The following SDC4 variants were observed in gnomAD, a reference collection of about 807,000 sequenced individuals.
SDC4 encodes syndecan 4, also known as syndecan-4.
SDC4 carries 17 observed loss-of-function variants against 20.5 expected under a neutral mutation model. The ratio of observed to expected loss-of-function variants is 0.83; its 90% CI spans 0.57 to 1.25. SDC4 has a LOEUF of 1.25. SDC4 is among the 50% of genes most tolerant of loss of function. The probability of loss-of-function intolerance (pLI) is 0.00; values close to 1 mark genes in which losing one functional copy is unlikely to be tolerated. For synonymous variants in SDC4, 107 were observed against 105.3 expected (o/e 1.02, Z -0.10); for missense variants, 241 against 252.3 (o/e 0.96, Z 0.30).
chr20:45,325,445 G>GC lies in SDC4; in HGVS notation c.*1818dup, dbSNP rs1987667540. 1 of 152,800 alleles carries GC rather than the reference G, an allele frequency of 6.5e-6. No homozygotes were observed. The highest frequency in any genetic ancestry group is 2.1e-4 in the South Asian group (1 of 4,832). 9.5% of individuals were successfully genotyped at this position (152,800 alleles called of 1,614,324 possible). ...ACCCAGCCAGCTGGGACCCTGGGTT[G>GC]CAGTGGTGACGGGAGCTAATGGCCA... On this transcript the variant is annotated 3_prime_UTR_variant, in exon 5 of 5. Transcript: ENST00000372733.
chr20:45,339,143 T>C (rs1422763037), intron 1 of SDC4, among the ~76,000 whole-genome samples: 1 of 152,216 alleles, frequency 6.6e-6, no homozygotes, highest in Non-Finnish European at 1.5e-5. Flanking sequence ...CGTGGGATTG[T>C]GGGCAATCAC....
chr20:45,340,432 C>T (rs936545613), intron 1 of SDC4, among the ~76,000 whole-genome samples: 3 of 152,218 alleles, frequency 2.0e-5, no homozygotes, highest in Non-Finnish European at 2.9e-5. Flanking sequence ...CTCAAGAACA[C>T]GTCCCAACCA....
Position 45,332,808 on chromosome 20 carries a change from G to A in SDC4, c.246+215C>T, listed in dbSNP as rs148822503. 6.1e-3 allele frequency among the ~76,000 whole-genome samples: 924 copies of A among 152,098 alleles called. 4 individuals are homozygous for A. Among genetic ancestry groups the A allele is most frequent in the African/African-American group, 0.021 (888 of 41,482 alleles). On this transcript the variant is annotated intron_variant, in intron 3 of 4. Coordinates refer to ENST00000372733, the MANE Select transcript of SDC4 (RefSeq NM_002999.4). ...CAGGTTTCATCGTGTTGCCCAGGCT[G>A]GTCTTGAACTCCTGACCTCAAGCCT...
At chr20:45,327,463 G>T in intron 4 of SDC4, 48 bp from the exon 5 acceptor site, 1 of 1,580,672 alleles carries the variant, frequency 6.3e-7, no homozygotes, top group Non-Finnish European at 8.6e-7. Flanking sequence ...TCCTCATCAG[G>T]ACCTAAGGAT....
intron 1 of SDC4, chr20:45,345,403 C>T (rs895510026): frequency 6.6e-6 from 1 of 152,188 alleles, no homozygotes; most frequent in South Asian, 2.1e-4. Flanking sequence ...TGGGGGATGT[C>T]AGCCCAGCGG....
Position 45,327,158 on chromosome 20 carries a change from T to A in SDC4, c.*106A>T. On this transcript the variant is annotated 3_prime_UTR_variant, in exon 5 of 5. Coordinates refer to ENST00000372733, the MANE Select transcript of SDC4 (RefSeq NM_002999.4). ...CAAAGGTAATCAGAGCTGGAGATAC[T>A]GACAAGTCAGTATTAGGTTGACCTC... 8.5e-7 allele frequency: 1 copy of A among 1,172,836 alleles called. No homozygotes were observed. The highest frequency in any genetic ancestry group is 1.2e-6 in the Non-Finnish European group (1 of 804,244). 72.7% of individuals were successfully genotyped at this position (1,172,836 alleles called of 1,614,324 possible). A position where few individuals can be genotyped will look rare whatever the true frequency, so the allele number is the denominator to read the frequency against.
At chr20:45,337,475 C>G (rs1055528358) in intron 1 of SDC4, among the ~76,000 whole-genome samples, 6 of 152,210 alleles carry the variant, frequency 3.9e-5, no homozygotes, top group African/African-American at 1.4e-4. Flanking sequence ...GAGCCCGGAA[C>G]AGGGCAGGGA....
intron 1 of SDC4, 109 bp from the exon 2 acceptor site, chr20:45,336,029 A>C: frequency 3.3e-6 from 4 of 1,215,744 alleles, no homozygotes; most frequent in Non-Finnish European, 4.6e-6. Flanking sequence ...AGACCAGGCC[A>C]GGGCCTGGAG....
chr20:45,330,313 C>G, intron 4 of SDC4, 53 bp downstream of exon 4: 2 of 1,536,852 alleles, frequency 1.3e-6, no homozygotes, highest in Admixed American at 1.7e-5. Context: ...TGCTCTCCCC[C>G]GCTGAGCCCC....
At chr20:45,331,031 C>A (rs1265912994) in intron 3 of SDC4, among the ~76,000 whole-genome samples, 1 of 152,186 alleles carries the variant, frequency 6.6e-6, no homozygotes, top group African/African-American at 2.4e-5. Flanking sequence ...AACTTGCTTT[C>A]ACTTTACTCT....
intron 4 of SDC4, among the ~76,000 whole-genome samples, chr20:45,327,925 G>A (rs1429846357): frequency 6.6e-6 from 1 of 152,188 alleles, no homozygotes; most frequent in Non-Finnish European, 1.5e-5. Context: ...GTGAGCCACC[G>A]CACTCGGCCA....
chr20:45,346,754 T>C (rs75843690), intron 1 of SDC4, among the ~76,000 whole-genome samples: 2,100 of 152,280 alleles, frequency 0.014, 61 homozygotes, highest in African/African-American at 0.048. Flanking sequence ...TTAGGTTAAG[T>C]CATCACCTCA....
intron 3 of SDC4, among the ~76,000 whole-genome samples, chr20:45,331,236 G>A (rs573064876): frequency 6.6e-6 from 1 of 152,242 alleles, no homozygotes; most frequent in African/African-American, 2.4e-5. Context: ...TCAGAACTAA[G>A]AGTTATGAAT....
intron 1 of SDC4, among the ~76,000 whole-genome samples, chr20:45,344,117 A>C (rs1199983742): frequency 6.6e-6 from 1 of 152,202 alleles, no homozygotes; most frequent in Non-Finnish European, 1.5e-5. Context: ...CTCTGAAAAA[A>C]TGCAGGCCAG....
At position 45,348,360 on chromosome 20, in the gene SDC4, G is replaced by T; in HGVS notation, c.25C>A (p.Leu9Met). ...ACTCCGCCTACGAAGAACAGCAGCA[G>T]CGCGAACAGACGGGCGGGGGCCATG... MAPARLFALLLFFVGGVAE... is the reference protein window; with the variant it reads MAPARLFAMLLFFVGGVAE... Residue 9 changes from leucine (L) to methionine (M), a missense_variant, in exon 1 of 5, where the codon CTG (leucine) becomes ATG (methionine). Physicochemically the swap from Leu to Met is conservative, Grantham distance 15. Coordinates refer to ENST00000372733, the MANE Select transcript of SDC4 (RefSeq NM_002999.4). 6.3e-7 allele frequency: 1 copy of T among 1,592,120 alleles called. No individual in the cohort carries two copies. The highest frequency in any genetic ancestry group is 8.5e-7 in the Non-Finnish European group (1 of 1,170,770).
intron 1 of SDC4, among the ~76,000 whole-genome samples, chr20:45,336,510 A>G (rs1394081685): frequency 6.6e-6 from 1 of 152,226 alleles, no homozygotes; most frequent in Non-Finnish European, 1.5e-5. Context: ...CCCTGTTTTA[A>G]TAACTCTGGA....
Position 45,330,376 on chromosome 20 carries a change from C to T in SDC4, c.435G>A (p.Glu145=). ...AGCATGGGGACTTACCTGCCAGGAC[C>T]TCCGTTCTCTCAAAGATGTTGCTGC... The part of the protein sequence containing the change: ...VQGSNIFERT[E]VLAALIVGGI... Residue 145 remains glutamate (E), a synonymous_variant, in exon 4 of 5, where the codon GAG becomes GAA. Transcript: ENST00000372733. The T allele has an allele frequency of 6.2e-7, 1 of 1,614,080 alleles. No homozygotes were observed. The highest frequency in any genetic ancestry group is 8.5e-7 in the Non-Finnish European group (1 of 1,180,024).
Position 45,348,412 on chromosome 20 carries a change from G to A in SDC4, c.-28C>T. On this transcript the variant is annotated 5_prime_UTR_variant, in exon 1 of 5. Transcript: ENST00000372733. ...CACCGCGGACTGGAGAAGGCGCGCA[G>A]GCTGCGGCGAGTGGCCCCGGGCGGG... The A allele has an allele frequency of 6.6e-7, 1 of 1,525,846 alleles. No homozygotes were observed. The allele number at this position is 1,525,846 out of a possible 1,614,324, so 94.5% of individuals were successfully genotyped here. A position where few individuals can be genotyped will look rare whatever the true frequency, so the allele number is the denominator to read the frequency against.
intron 1 of SDC4, among the ~76,000 whole-genome samples, chr20:45,340,945 C>T (rs1600733356): frequency 6.6e-6 from 1 of 152,232 alleles, no homozygotes; most frequent in South Asian, 2.1e-4. Context: ...ACAACTGTGA[C>T]TCTACCACCC....
Sources: allele counts gnomAD v4.1 joint callset (sites outside exome capture counted in the v4.1 genomes callset), GRCh38; gene constraint gnomAD v4.1.1; transcripts MANE v1.5; gene names NCBI Gene and HGNC (gene_info 2026-07-23, HGNC 2026-07-21).